Variants in MAGI3 observed in about 807,000 individuals in gnomAD.
MAGI3 encodes the protein membrane associated guanylate kinase, WW and PDZ domain containing 3, also known as membrane-associated guanylate kinase, WW and PDZ domain-containing protein 3.
MAGI3 carries 43 observed loss-of-function variants against 121.8 expected under a neutral mutation model. That is an observed-to-expected ratio of 0.35 (90% confidence interval 0.28 to 0.46). The LOEUF (loss-of-function observed/expected upper bound fraction) is 0.46, where lower values mean the gene tolerates loss of function less well. Ranked by LOEUF, MAGI3 falls within the 20% of genes least tolerant of loss-of-function variation. The pLI is 1.00. For missense variants in MAGI3, 1,547 were observed against 1,797.3 expected (o/e 0.86, Z 2.52); for synonymous variants, 553 against 639.3 (o/e 0.86, Z 2.04).
intron 1 of MAGI3, among the ~76,000 whole-genome samples, chr1:113,432,523 T>A (rs1653352159): frequency 6.6e-6 from 1 of 152,162 alleles, no homozygotes; most frequent in Non-Finnish European, 1.5e-5. Context: ...GGAAGGGTTG[T>A]TTTTAAATTT....
chr1:113,425,235 G>C (rs1029500475), intron 1 of MAGI3, among the ~76,000 whole-genome samples: 2 of 151,030 alleles, frequency 1.3e-5, no homozygotes, highest in East Asian at 3.9e-4. Context: ...GCTAGGCCTG[G>C]AGATTTCTTT....
intron 1 of MAGI3, among the ~76,000 whole-genome samples, chr1:113,477,833 G>C (rs950558486): frequency 6.6e-6 from 1 of 152,192 alleles, no homozygotes; most frequent in Admixed American, 6.5e-5. Context: ...TGCCAACTTA[G>C]TTCCATTCTC....
intron 1 of MAGI3, among the ~76,000 whole-genome samples, chr1:113,534,448 A>G (rs1658870918): frequency 6.6e-6 from 1 of 152,078 alleles, no homozygotes. Context: ...GCCATTCAGC[A>G]TGCCCTTTCT....
chr1:113,505,561 A>AATAC (rs1177717972), intron 1 of MAGI3, among the ~76,000 whole-genome samples: 1 of 147,510 alleles, frequency 6.8e-6, no homozygotes, highest in African/African-American at 2.5e-5. Context: ...TAAATATATA[A>AATAC]TGTCAGATCA....
At chr1:113,503,253 A>G in intron 1 of MAGI3, among the ~76,000 whole-genome samples, 1 of 73,104 alleles carries the variant, frequency 1.4e-5, no homozygotes, top group Non-Finnish European at 2.8e-5. Context: ...AAAAAAAAAA[A>G]AAAAGATCAC....
Position 113,465,515 on chromosome 1 carries a change from G to GT in MAGI3, c.316+74175dup, listed in dbSNP as rs544479200. ...TTTTGTGATTCCATATAAATGTTAA[G>GT]TTTTTTTTTCTATTTTTGTGAAGAG... is the stretch of plus-strand genomic sequence containing the variant. On this transcript the variant is annotated intron_variant, in intron 1 of 20. Transcript: ENST00000307546. Among the ~76,000 whole-genome samples, 566 of 151,096 alleles carry GT rather than the reference G, an allele frequency of 3.7e-3. 4 individuals are homozygous for GT. The highest frequency in any genetic ancestry group is 0.013 in the African/African-American group (532 of 41,248).
At chr1:113,571,955 G>T (rs1264850439) in intron 2 of MAGI3, among the ~76,000 whole-genome samples, 1 of 152,122 alleles carries the variant, frequency 6.6e-6, no homozygotes, top group South Asian at 2.1e-4. Context: ...TGAGAGAGGG[G>T]ATCCTTTTCT....
intron 1 of MAGI3, among the ~76,000 whole-genome samples, chr1:113,475,803 T>C (rs368046730): frequency 7.9e-5 from 12 of 152,218 alleles, no homozygotes; most frequent in Non-Finnish European, 1.8e-4. Context: ...GAAGGAATGG[T>C]AGCAGCTCCT....
chr1:113,541,529 A>G (rs1659286465), intron 1 of MAGI3, among the ~76,000 whole-genome samples: 1 of 152,212 alleles, frequency 6.6e-6, no homozygotes, highest in Non-Finnish European at 1.5e-5. Context: ...TAATTATATA[A>G]ATTATTTTAA....
At chr1:113,619,242 T>C (rs191712903) in intron 7 of MAGI3, among the ~76,000 whole-genome samples, 108 of 152,362 alleles carry the variant, frequency 7.1e-4, no homozygotes, top group African/African-American at 2.4e-3. Context: ...GCAAGTCATT[T>C]TCTTAGTTGC....
chr1:113,435,706 CTTTAA>C (rs1653531347), intron 1 of MAGI3, among the ~76,000 whole-genome samples: 2 of 152,060 alleles, frequency 1.3e-5, no homozygotes, highest in Admixed American at 1.3e-4. Flanking sequence ...GGAGGGATGT[CTTTAA>C]TTTATATTTA....
intron 12 of MAGI3, among the ~76,000 whole-genome samples, chr1:113,648,154 C>T (rs1320283045): frequency 1.3e-5 from 2 of 152,114 alleles, no homozygotes; most frequent in Non-Finnish European, 2.9e-5. Flanking sequence ...AACTCCTGAC[C>T]TCGTGATCCG....
intron 1 of MAGI3, among the ~76,000 whole-genome samples, chr1:113,395,687 A>T (rs926726040): frequency 6.6e-6 from 1 of 151,984 alleles, no homozygotes; most frequent in Non-Finnish European, 1.5e-5. Flanking sequence ...ACACACACAC[A>T]TACTTTTGTT....
intron 1 of MAGI3, among the ~76,000 whole-genome samples, chr1:113,408,724 C>G (rs1230054138): frequency 6.6e-6 from 1 of 151,930 alleles, no homozygotes; most frequent in Non-Finnish European, 1.5e-5. Flanking sequence ...ATTTAATATC[C>G]TCCAACAACT....
At chr1:113,470,745 G>A (rs944678276) in intron 1 of MAGI3, among the ~76,000 whole-genome samples, 13 of 151,994 alleles carry the variant, frequency 8.6e-5, no homozygotes, top group African/African-American at 3.1e-4. Context: ...TCTACTCTCT[G>A]CTTCTGAGTT....
intron 2 of MAGI3, among the ~76,000 whole-genome samples, chr1:113,553,410 A>G (rs911883124): frequency 2.0e-5 from 3 of 152,174 alleles, no homozygotes; most frequent in Admixed American, 6.5e-5. Flanking sequence ...GCTGAATACT[A>G]AGCTGAGAAT....
intron 6 of MAGI3, among the ~76,000 whole-genome samples, chr1:113,611,943 A>ATTTT (rs1553206852): frequency 6.7e-6 from 1 of 150,096 alleles, no homozygotes; most frequent in South Asian, 2.1e-4. Context: ...CAACTTATTT[A>ATTTT]TTTATTTATT....
At chr1:113,614,512 A>G in intron 6 of MAGI3, 89 bp from the exon 7 acceptor site, 1 of 980,396 alleles carries the variant, frequency 1.0e-6, no homozygotes, top group Non-Finnish European at 1.6e-6. Context: ...CCCAAATATT[A>G]GTATAATGAA....
chr1:113,650,954 C>T, intron 13 of MAGI3, 60 bp from the exon 14 acceptor site: 1 of 1,473,072 alleles, frequency 6.8e-7, no homozygotes, highest in Non-Finnish European at 9.4e-7. Flanking sequence ...GTTAGGAATT[C>T]CTTAACTCTT....
Sources: allele counts gnomAD v4.1 joint callset (sites outside exome capture counted in the v4.1 genomes callset), GRCh38; gene constraint gnomAD v4.1.1; transcripts MANE v1.5; gene names NCBI Gene and HGNC (gene_info 2026-07-23, HGNC 2026-07-21).